The following KCNT1 variants were observed in gnomAD, a reference collection of about 807,000 sequenced individuals.
KCNT1 encodes the protein potassium channel subfamily T member 1.
Under a neutral mutation model 147.8 loss-of-function variants are expected in KCNT1, and 78 were observed. The ratio of observed to expected loss-of-function variants is 0.53; its 90% confidence interval spans 0.44 to 0.64. KCNT1 has a LOEUF of 0.64. KCNT1 is among the 30% of genes least tolerant of loss of function. The pLI is 0.00. For synonymous variants in KCNT1, 867 were observed against 748.8 expected (o/e 1.16, Z -2.58); for missense variants, 1,419 against 1,750.3 (o/e 0.81, Z 3.38).
At chr9:135,770,262 A>G (rs987343798) in intron 16 of KCNT1, 36 bp from the exon 17 acceptor site, 2 of 1,557,892 alleles carry the variant, frequency 1.3e-6, no homozygotes, top group African/African-American at 2.7e-5. Flanking sequence ...GCCATGGCCG[A>G]GGGTGACGCT....
Position 135,792,150 on chromosome 9 carries a change from A to G in KCNT1, c.3697A>G (p.Thr1233Ala), listed in dbSNP as rs767191241. 10 of 1,605,498 alleles carry G rather than the reference A, an allele frequency of 6.2e-6. No homozygotes were observed. The highest frequency in any genetic ancestry group is 8.5e-6 in the Non-Finnish European group (10 of 1,179,598). The change falls in exon 31 of 31, where the codon ACA (threonine) becomes GCA (alanine). Residue 1233 changes from threonine to alanine, a missense_variant. This residue lies in a region of KCNT1 where 306 missense variants were observed against 294.2 expected (regional missense o/e 1.04). Coordinates refer to ENST00000371757, the MANE Select transcript of KCNT1 (RefSeq NM_020822.3). ...CTGCAACCCCGAGACTCGCGACGAG[A>G]CACAGCTCTGAGCCAGCCCTGCACG... is the stretch of plus-strand genomic sequence containing the variant. ...SSCNPETRDE[T>A]QL
At chr9:135,750,614 TG>T (rs1445920046) in intron 3 of KCNT1, 9 of 484,978 alleles carry the variant, frequency 1.9e-5, no homozygotes, top group Non-Finnish European at 3.0e-5. Flanking sequence ...GGTGAGGACT[TG>T]GGGGGTTTCC....
intron 2 of KCNT1, among the ~76,000 whole-genome samples, chr9:135,717,732 A>AC (rs1339181371): frequency 6.6e-6 from 1 of 151,646 alleles, no homozygotes; most frequent in East Asian, 1.9e-4. Context: ...AGCCCGGGGA[A>AC]CCCCCACTTA....
intron 2 of KCNT1, among the ~76,000 whole-genome samples, chr9:135,738,842 G>A (rs935017914): frequency 6.6e-6 from 1 of 152,166 alleles, no homozygotes; most frequent in Non-Finnish European, 1.5e-5. Flanking sequence ...TCACTCCCCT[G>A]TGTGAGGCTG....
chr9:135,763,412 G>C (rs1329790751), intron 11 of KCNT1, among the ~76,000 whole-genome samples: 1 of 152,240 alleles, frequency 6.6e-6, no homozygotes, highest in Non-Finnish European at 1.5e-5. Flanking sequence ...GCGCCGGCTG[G>C]GTCTCCTGGA....
intron 2 of KCNT1, among the ~76,000 whole-genome samples, chr9:135,724,837 G>A (rs1052739646): frequency 1.2e-4 from 19 of 152,278 alleles, no homozygotes; most frequent in African/African-American, 4.1e-4. Flanking sequence ...AGCTTCCTCC[G>A]CCCAGGCAGA....
chr9:135,732,020 A>AGAGAGCGC (rs1836490370), intron 2 of KCNT1, among the ~76,000 whole-genome samples: 1 of 126,280 alleles, frequency 7.9e-6, no homozygotes, highest in African/African-American at 3.1e-5. Context: ...AGAGAGAGAG[A>AGAGAGCGC]GAGAGAGAGA....
chr9:135,726,703 C>T (rs927050625), intron 2 of KCNT1, among the ~76,000 whole-genome samples: 11 of 150,942 alleles, frequency 7.3e-5, no homozygotes, highest in Non-Finnish European at 3.0e-5. Context: ...CTACCTCTCT[C>T]CCTCCCTCTC....
At position 135,730,629 on chromosome 9, in the gene KCNT1, A is replaced by G. The variant is rs1386692818; in HGVS notation, c.254+15909A>G. ...AATGGACCCCTCCCTGGGACTCCAG[A>G]AGGAGCCAGCCCTGCCGGCACTTCA... On this transcript the variant is annotated intron_variant, in intron 2 of 30. Coordinates refer to ENST00000371757, the MANE Select transcript of KCNT1 (RefSeq NM_020822.3). This position sits in a 1 kb window ranked among gnomAD's most constrained non-coding sequence, Gnocchi z 4.7. Among the ~76,000 whole-genome samples, 1 of 152,140 alleles carries G rather than the reference A, an allele frequency of 6.6e-6. No individual in the cohort carries two copies. The highest frequency in any genetic ancestry group is 1.5e-5 in the Non-Finnish European group (1 of 68,024).
chr9:135,742,230 G>A (rs1156849908), intron 2 of KCNT1, among the ~76,000 whole-genome samples: 1 of 152,244 alleles, frequency 6.6e-6, no homozygotes, highest in African/African-American at 2.4e-5. Flanking sequence ...TGGTCTGGGT[G>A]TAGGGCAGGG....
chr9:135,708,550 T>C (rs533020922), intron 1 of KCNT1, among the ~76,000 whole-genome samples: 317 of 152,256 alleles, frequency 2.1e-3, no homozygotes, highest in African/African-American at 7.3e-3. Flanking sequence ...GTCACAATCT[T>C]TTTTTGTTGT....
At chr9:135,729,374 G>T (rs1484997664) in intron 2 of KCNT1, among the ~76,000 whole-genome samples, 7 of 152,260 alleles carry the variant, frequency 4.6e-5, no homozygotes, top group Non-Finnish European at 7.3e-5. Context: ...AAGAAAGGGG[G>T]TCCTCTGTCC....
intron 2 of KCNT1, among the ~76,000 whole-genome samples, chr9:135,731,329 G>T (rs1212381771): frequency 6.6e-6 from 1 of 152,172 alleles, no homozygotes; most frequent in Non-Finnish European, 1.5e-5. Flanking sequence ...GGATCACAGT[G>T]TCCTGCATAC....
rs1554766004 is a variant in KCNT1 at position 135,730,990 on chromosome 9, T to TTAAAA, written c.254+16270_254+16271insTAAAA. Among the ~76,000 whole-genome samples, 6 of 85,594 alleles carry TTAAAA rather than the reference T, an allele frequency of 7.0e-5. No individual in the cohort carries two copies. 56.2% of individuals were successfully genotyped at this position (85,594 alleles called of 152,430 possible). A position where few individuals can be genotyped will look rare whatever the true frequency, so the allele number is the denominator to read the frequency against. On this transcript the variant is annotated intron_variant, in intron 2 of 30. Coordinates refer to ENST00000371757, the MANE Select transcript of KCNT1 (RefSeq NM_020822.3). This position sits in a 1 kb window ranked among gnomAD's most constrained non-coding sequence, Gnocchi z 4.7. ...AACAAAGTGAGATCCCGTCTCAAGG[T>TTAAAA]AAAAAAAAAAAAAAAAAAAAAAAGT...
intron 6 of KCNT1, among the ~76,000 whole-genome samples, chr9:135,756,377 G>A (rs1015613831): frequency 6.6e-6 from 1 of 152,142 alleles, no homozygotes; most frequent in Non-Finnish European, 1.5e-5. Flanking sequence ...CAGGTCCCTG[G>A]CTGGCTCCTG....
chr9:135,765,396 C>T (rs1832196152), intron 12 of KCNT1, among the ~76,000 whole-genome samples: 1 of 150,648 alleles, frequency 6.6e-6, no homozygotes, highest in Non-Finnish European at 1.5e-5. Context: ...GACTGCTTGG[C>T]AAGTCCCTGA....
In KCNT1 at chr9:135,765,587, C is replaced by A. The variant is rs1225000860; in HGVS notation, c.1201-37C>A. Reference sequence around the variant, plus strand: ...CAGGGCCGCCCGGGCGGGGCAGGGGCTGGCTCAGAGGGTCTGACCCTCCGC... The same window carrying A: ...CAGGGCCGCCCGGGCGGGGCAGGGGATGGCTCAGAGGGTCTGACCCTCCGC... On this transcript the variant is annotated intron_variant, in intron 12 of 30. Coordinates refer to ENST00000371757, the MANE Select transcript of KCNT1 (RefSeq NM_020822.3). 8 of 1,586,252 alleles carry A rather than the reference C, an allele frequency of 5.0e-6. No homozygotes were observed. The East Asian group carries it at 1.6e-4, about 31-fold the overall frequency.
rs561616840 is a variant in KCNT1, at chr9:135,769,201, C to T, written c.1510+264C>T. On this transcript the variant is annotated intron_variant, in intron 15 of 30. Coordinates refer to ENST00000371757, the MANE Select transcript of KCNT1 (RefSeq NM_020822.3). The stretch of plus-strand genomic sequence containing the variant: ...AGGGCGCGTGTGCACACGTGGGTGA[C>T]AGTGCATCTGGGGCAGGGCACGTGT... Among the ~76,000 whole-genome samples the T allele has an allele frequency of 4.0e-3, 397 of 99,908 alleles. 14 individuals carry two copies. Among genetic ancestry groups the T allele is most frequent in the Non-Finnish European group, 6.4e-3 (324 of 50,282 alleles). The allele number at this position is 99,908 out of a possible 152,430, so 65.5% of individuals were successfully genotyped here.
At position 135,786,323 on chromosome 9, in the gene KCNT1, C is replaced by A; in HGVS notation, c.3304C>A (p.His1102Asn). The A allele has an allele frequency of 1.3e-6, 2 of 1,599,242 alleles. No homozygotes were observed. The highest frequency in any genetic ancestry group is 2.7e-5 in the African/African-American group (2 of 74,868). ...CACGGGCGGCGGTGACCCCGCAGAG[C>A]ACCCACTGCTACGGCGCAAGAGCCT... ...RHTGGGDPAE[H>N]PLLRRKSLQW... Residue 1102 changes from histidine to asparagine, a missense_variant, in exon 29 of 31, where the codon CAC becomes AAC. His to Asn is a moderately conservative substitution (Grantham distance 68). Around this residue, in one of 5 missense-constraint regions of KCNT1, gnomAD observed 306 missense variants for 294.2 expected, o/e 1.04. Transcript: ENST00000371757.
Sources: allele counts gnomAD v4.1 joint callset (sites outside exome capture counted in the v4.1 genomes callset), GRCh38; gene constraint gnomAD v4.1.1; regional missense constraint gnomAD v4.1.1; non-coding constraint Gnocchi (gnomAD v3.1); transcripts MANE v1.5; gene names NCBI Gene and HGNC (gene_info 2026-07-23, HGNC 2026-07-21).